The following SLC71A2 variants were observed in gnomAD, a reference collection of about 807,000 sequenced individuals.
SLC71A2 encodes the protein solute carrier family 71 member 2.
the SLC71A2 span, chr9:94,374,997 C>G: frequency 5.5e-6 from 6 of 1,093,862 alleles, no homozygotes; most frequent in South Asian, 2.6e-4. Context: ...CCAGGGCCCG[C>G]GAGCCCGCCG....
chr9:94,388,682 G>T, the SLC71A2 span, among the ~76,000 whole-genome samples: 1 of 151,940 alleles, frequency 6.6e-6, no homozygotes, highest in African/African-American at 2.4e-5. Flanking sequence ...ATGGAAAAAT[G>T]TCTGGAAGGG....
the SLC71A2 span, among the ~76,000 whole-genome samples, chr9:94,428,672 A>T: frequency 1.4e-5 from 2 of 143,428 alleles, no homozygotes; most frequent in Admixed American, 1.5e-4. Context: ...TTACATTGAC[A>T]TACTGTTATC....
At chr9:94,419,145 G>A in the SLC71A2 span, among the ~76,000 whole-genome samples, 11 of 151,130 alleles carry the variant, frequency 7.3e-5, no homozygotes, top group Non-Finnish European at 1.5e-5. Context: ...ACAGGGTCTT[G>A]CCCTGTTGCC....
the SLC71A2 span, among the ~76,000 whole-genome samples, chr9:94,397,165 CT>C: frequency 2.6e-5 from 4 of 152,106 alleles, no homozygotes; most frequent in Non-Finnish European, 5.9e-5. Context: ...TAAAATAAAA[CT>C]TTTTTATAGA....
At chr9:94,459,101 A>C in the SLC71A2 span, 5 of 1,545,464 alleles carry the variant, frequency 3.2e-6, no homozygotes, top group Non-Finnish European at 4.4e-6. Flanking sequence ...ATCTAGGAAT[A>C]ATTTTGAGTT....
the SLC71A2 span, among the ~76,000 whole-genome samples, chr9:94,424,916 T>A: frequency 0.072 from 7,880 of 110,158 alleles, 411 homozygotes; most frequent in East Asian, 0.2. Context: ...TTTTTTTTTT[T>A]TTAAATAATA....
At chr9:94,381,364 T>TG in the SLC71A2 span, among the ~76,000 whole-genome samples, 12 of 143,324 alleles carry the variant, frequency 8.4e-5, no homozygotes, top group Non-Finnish European at 1.8e-4. Flanking sequence ...TTTTTTTTTT[T>TG]TTGTTATTTT....
chr9:94,452,670 TATATATTCATATATTCATATATATTC>T, the SLC71A2 span, among the ~76,000 whole-genome samples: 2 of 53,824 alleles, frequency 3.7e-5, no homozygotes, highest in African/African-American at 1.8e-4. Flanking sequence ...TATATATTCA[TATATATTCATATATTCATATATATTC>T]ATATATTCAT....
At chr9:94,439,242 G>T in the SLC71A2 span, among the ~76,000 whole-genome samples, 1 of 151,744 alleles carries the variant, frequency 6.6e-6, no homozygotes, top group Non-Finnish European at 1.5e-5. Context: ...ACTGACTCCT[G>T]GTTATCCACC....
chr9:94,453,827 C>T, the SLC71A2 span: 2 of 658,452 alleles, frequency 3.0e-6, no homozygotes, highest in Non-Finnish European at 5.4e-6. Context: ...TGTCCAGACT[C>T]TGAGGTTGCA....
chr9:94,407,915 C>T, the SLC71A2 span, among the ~76,000 whole-genome samples: 3 of 152,192 alleles, frequency 2.0e-5, no homozygotes, highest in East Asian at 1.9e-4. Flanking sequence ...TCCATTCCTT[C>T]GTCCAGCATT....
chr9:94,441,603 C>T, the SLC71A2 span, among the ~76,000 whole-genome samples: 2 of 152,176 alleles, frequency 1.3e-5, no homozygotes, highest in Admixed American at 6.5e-5. Context: ...GTTATCTGAT[C>T]CCCGGAGGAG....
chr9:94,418,092 A>T, the SLC71A2 span, among the ~76,000 whole-genome samples: 2 of 151,866 alleles, frequency 1.3e-5, no homozygotes, highest in Non-Finnish European at 2.9e-5. Context: ...CGAACTCCTG[A>T]CCTCCTGATC....
At chr9:94,390,371 G>C in the SLC71A2 span, among the ~76,000 whole-genome samples, 53 of 149,350 alleles carry the variant, frequency 3.5e-4, 1 homozygote, top group East Asian at 0.01. Flanking sequence ...AGAGTAAGGT[G>C]CTTTTCATAT....
At chr9:94,429,236 C>T in the SLC71A2 span, 43 of 1,604,712 alleles carry the variant, frequency 2.7e-5, no homozygotes, top group Admixed American at 6.3e-4. Flanking sequence ...TGAATGGTCT[C>T]ATTCAAGGTG....
the SLC71A2 span, chr9:94,415,025 A>C: frequency 4.6e-6 from 3 of 647,058 alleles, no homozygotes; most frequent in South Asian, 3.9e-5. Flanking sequence ...ACACAGAATG[A>C]AGTTTTATTT....
the SLC71A2 span, among the ~76,000 whole-genome samples, chr9:94,452,815 G>A: frequency 1.3e-5 from 2 of 150,808 alleles, no homozygotes; most frequent in Non-Finnish European, 3.0e-5. Flanking sequence ...CCTATCTATT[G>A]TAAATACAGT....
the SLC71A2 span, among the ~76,000 whole-genome samples, chr9:94,428,027 CA>C: frequency 8.6e-5 from 13 of 151,424 alleles, no homozygotes; most frequent in South Asian, 2.1e-3. Flanking sequence ...GAGGATGAGG[CA>C]AGGAGAATCG....
At chr9:94,451,864 TCCA>T in the SLC71A2 span, among the ~76,000 whole-genome samples, 2 of 152,278 alleles carry the variant, frequency 1.3e-5, no homozygotes, top group Admixed American at 6.5e-5. Context: ...GTGACTGGCA[TCCA>T]CTCTTGTCTT....
Sources: allele counts gnomAD v4.1 joint callset (sites outside exome capture counted in the v4.1 genomes callset), GRCh38; gene constraint gnomAD v4.1.1; transcripts MANE v1.5; gene names NCBI Gene and HGNC (gene_info 2026-07-23, HGNC 2026-07-21).